The following PTPRD variants were observed in gnomAD, a reference collection of about 807,000 sequenced individuals.
The protein encoded by PTPRD is receptor-type tyrosine-protein phosphatase delta.
In PTPRD, 34 loss-of-function variants were observed where a neutral mutation model predicts 214.5. The ratio of observed to expected loss-of-function variants is 0.16; its 90% CI spans 0.12 to 0.21. The LOEUF is 0.21. Among genes scored for constraint, PTPRD ranks in the 10% least tolerant of loss-of-function variants. The pLI, the probability that PTPRD is intolerant of heterozygous loss-of-function variation, is 1.00. For synonymous variants in PTPRD, 1,128 were observed against 845.7 expected (o/e 1.33, Z -5.79); for missense variants, 2,545 against 2,398.7 (o/e 1.06, Z -1.27).
intron 3 of PTPRD, among the ~76,000 whole-genome samples, chr9:10,042,342 G>C (rs1221314076): frequency 2.0e-5 from 3 of 151,946 alleles, no homozygotes; most frequent in Non-Finnish European, 2.9e-5. Context: ...CCTCAAAGTA[G>C]ATTAATCTAT....
chr9:9,427,368 G>C (rs967726884), intron 8 of PTPRD, among the ~76,000 whole-genome samples: 3 of 152,172 alleles, frequency 2.0e-5, no homozygotes, highest in African/African-American at 7.2e-5. Flanking sequence ...AGAGAAAAAA[G>C]AGTAAAAAGA....
chr9:8,725,548 T>C (rs1328786657), intron 12 of PTPRD, among the ~76,000 whole-genome samples: 4 of 152,132 alleles, frequency 2.6e-5, no homozygotes. Context: ...AATGGGATAA[T>C]ATATGCCAAC....
intron 10 of PTPRD, among the ~76,000 whole-genome samples, chr9:9,149,801 C>T (rs1393933429): frequency 6.6e-6 from 1 of 152,194 alleles, no homozygotes; most frequent in Non-Finnish European, 1.5e-5. Context: ...CATTTGGATG[C>T]TGGCAGCTGC....
chr9:10,217,914 T>A (rs2099549040), intron 3 of PTPRD, among the ~76,000 whole-genome samples: 1 of 151,850 alleles, frequency 6.6e-6, no homozygotes, highest in Admixed American at 6.6e-5. Flanking sequence ...AGGCAACGGG[T>A]TTGAAAACCT....
At chr9:8,896,347 TA>T (rs2098610504) in intron 11 of PTPRD, among the ~76,000 whole-genome samples, 1 of 152,144 alleles carries the variant, frequency 6.6e-6, no homozygotes, top group Admixed American at 6.5e-5. Flanking sequence ...CTAATAACAT[TA>T]AGCTTAAAAT....
At chr9:9,875,247 T>C (rs1291130633) in intron 5 of PTPRD, among the ~76,000 whole-genome samples, 2 of 152,112 alleles carry the variant, frequency 1.3e-5, no homozygotes, top group African/African-American at 2.4e-5. Context: ...ATGTTTATTT[T>C]ACAGAGAAGC....
At chr9:9,879,227 C>A (rs1326370962) in intron 5 of PTPRD, among the ~76,000 whole-genome samples, 1 of 152,096 alleles carries the variant, frequency 6.6e-6, no homozygotes, top group African/African-American at 2.4e-5. Context: ...GTTTTTCAAC[C>A]TCCTTAGTAT....
At chr9:10,605,034 C>A (rs1234226640) in intron 2 of PTPRD, among the ~76,000 whole-genome samples, 1 of 151,652 alleles carries the variant, frequency 6.6e-6, no homozygotes, top group Non-Finnish European at 1.5e-5. Flanking sequence ...TAAGAGAAAT[C>A]AAGACGTGAA....
At chr9:10,404,457 T>C (rs2098327987) in intron 2 of PTPRD, among the ~76,000 whole-genome samples, 1 of 151,742 alleles carries the variant, frequency 6.6e-6, no homozygotes, top group Admixed American at 6.6e-5. Flanking sequence ...TTAAATGTTA[T>C]TTGATTTTTT....
At chr9:9,970,352 A>G (rs1041141848) in intron 4 of PTPRD, among the ~76,000 whole-genome samples, 3 of 150,116 alleles carry the variant, frequency 2.0e-5, no homozygotes, top group African/African-American at 7.4e-5. Flanking sequence ...CGGGAGGCTG[A>G]GGCAGGAGAA....
intron 5 of PTPRD, among the ~76,000 whole-genome samples, chr9:9,803,541 T>TA (rs1352659797): frequency 6.6e-6 from 1 of 151,956 alleles, no homozygotes; most frequent in African/African-American, 2.4e-5. Flanking sequence ...CCCAAATAGA[T>TA]AAAACTTCAT....
rs1158749210 is a variant in PTPRD, at chr9:8,536,047, A to T, written c.353-7268T>A. On this transcript the variant is annotated intron_variant, in intron 14 of 45. Coordinates refer to ENST00000381196, the MANE Select transcript of PTPRD (RefSeq NM_002839.4). ...TTAGAGTTCCTTGAGGTAAATAAGG[A>T]TGGTATCATTATCATTTTTTTGTGG... Among the ~76,000 whole-genome samples the T allele has an allele frequency of 2.6e-5, 4 of 151,880 alleles. No homozygotes were observed. In the South Asian group the frequency reaches 8.3e-4, roughly 32 times the overall value.
intron 2 of PTPRD, among the ~76,000 whole-genome samples, chr9:10,588,146 C>T (rs976722520): frequency 6.6e-6 from 1 of 152,010 alleles, no homozygotes; most frequent in East Asian, 1.9e-4. Context: ...AATAACTTGT[C>T]AGACTCTATT....
At chr9:9,915,006 C>T (rs2080293464) in intron 5 of PTPRD, among the ~76,000 whole-genome samples, 1 of 152,190 alleles carries the variant, frequency 6.6e-6, no homozygotes, top group Admixed American at 6.5e-5. Context: ...ACTGTGTGCA[C>T]ACATATGCCC....
intron 9 of PTPRD, among the ~76,000 whole-genome samples, chr9:9,384,660 T>C (rs2063342520): frequency 6.6e-6 from 1 of 152,018 alleles, no homozygotes; most frequent in African/African-American, 2.4e-5. Context: ...TTAATGTTTC[T>C]TGTAACTTGT....
At chr9:9,014,061 A>G (rs1460211038) in intron 11 of PTPRD, among the ~76,000 whole-genome samples, 1 of 152,110 alleles carries the variant, frequency 6.6e-6, no homozygotes, top group African/African-American at 2.4e-5. Flanking sequence ...TGTAGATAAC[A>G]CCATTTTTCT....
At chr9:9,136,404 T>C (rs916732714) in intron 10 of PTPRD, among the ~76,000 whole-genome samples, 8 of 152,118 alleles carry the variant, frequency 5.3e-5, no homozygotes, top group African/African-American at 1.9e-4. Context: ...AGATTCTCAT[T>C]AAACAAAATA....
intron 4 of PTPRD, among the ~76,000 whole-genome samples, chr9:10,013,871 GT>G (rs1173564696): frequency 6.6e-6 from 1 of 151,770 alleles, no homozygotes; most frequent in Non-Finnish European, 1.5e-5. Flanking sequence ...CATCTCATAG[GT>G]TTTTTTGTTT....
At chr9:9,546,940 C>T (rs557085832) in intron 8 of PTPRD, among the ~76,000 whole-genome samples, 1 of 150,556 alleles carries the variant, frequency 6.6e-6, no homozygotes, top group South Asian at 2.1e-4. Flanking sequence ...TGTTAAAGTT[C>T]TCCAAATCAA....
Sources: gnomAD v4.1 joint callset for allele counts (sites outside exome capture counted in the v4.1 genomes callset) on GRCh38, gnomAD v4.1.1 for gene constraint, MANE v1.5 for transcripts, NCBI Gene and HGNC (gene_info 2026-07-23, HGNC 2026-07-21) for gene names.